CNTNAP5: variants seen among roughly 807,000 people sequenced by gnomAD.
CNTNAP5 encodes the protein contactin associated protein family member 5.
In CNTNAP5, 72 loss-of-function variants were observed where a neutral mutation model predicts 150.2. That is an observed-to-expected ratio of 0.48 (90% CI 0.40 to 0.58). The LOEUF (loss-of-function observed/expected upper bound fraction) is 0.58. Ranked by LOEUF, CNTNAP5 falls within the 20% of genes least tolerant of loss-of-function variation. The pLI, the probability that CNTNAP5 is intolerant of heterozygous loss-of-function variation, is 0.00. For missense variants in CNTNAP5, 1,636 were observed against 1,626.2 expected (o/e 1.01, Z -0.10); for synonymous variants, 672 against 619.8 (o/e 1.08, Z -1.25).
At chr2:124,598,701 A>T (rs1454271837) in intron 11 of CNTNAP5, among the ~76,000 whole-genome samples, 15 of 151,760 alleles carry the variant, frequency 9.9e-5, no homozygotes, top group Non-Finnish European at 1.8e-4. Flanking sequence ...TGCTTTGTTT[A>T]CCTAATCAAG....
intron 11 of CNTNAP5, among the ~76,000 whole-genome samples, chr2:124,592,839 G>A (rs1030974252): frequency 6.6e-6 from 1 of 151,798 alleles, no homozygotes; most frequent in Non-Finnish European, 1.5e-5. Context: ...ACTTGTAAAA[G>A]TATATTAGAA....
intron 5 of CNTNAP5, among the ~76,000 whole-genome samples, chr2:124,444,011 A>T (rs1692741390): frequency 6.6e-6 from 1 of 152,146 alleles, no homozygotes; most frequent in Non-Finnish European, 1.5e-5. Context: ...TACATCTAGA[A>T]ATGACAGTTT....
chr2:124,060,949 A>G (rs1681993964), intron 1 of CNTNAP5, among the ~76,000 whole-genome samples: 1 of 152,204 alleles, frequency 6.6e-6, no homozygotes, highest in African/African-American at 2.4e-5. Flanking sequence ...GGACTCAGCC[A>G]ATGTCATTTA....
At chr2:124,034,018 T>A (rs1242197999) in intron 1 of CNTNAP5, among the ~76,000 whole-genome samples, 1 of 152,200 alleles carries the variant, frequency 6.6e-6, no homozygotes, top group East Asian at 1.9e-4. Flanking sequence ...GTTCTAGGTG[T>A]GCAAAACAAG....
chr2:124,870,842 C>T (rs569216714), intron 21 of CNTNAP5, among the ~76,000 whole-genome samples: 24 of 152,100 alleles, frequency 1.6e-4, no homozygotes, highest in Middle Eastern at 3.4e-3. Flanking sequence ...AAAAGCATCA[C>T]GGGCCCCTGC....
At chr2:124,695,193 A>G (rs1679381098) in intron 13 of CNTNAP5, among the ~76,000 whole-genome samples, 1 of 152,192 alleles carries the variant, frequency 6.6e-6, no homozygotes, top group Admixed American at 6.6e-5. Context: ...ACCATGGCCA[A>G]TCTTACCGTA....
intron 3 of CNTNAP5, among the ~76,000 whole-genome samples, chr2:124,316,484 A>C (rs771857422): frequency 2.0e-5 from 3 of 152,150 alleles, no homozygotes; most frequent in Non-Finnish European, 4.4e-5. Context: ...AGGCTGTCTC[A>C]TATTTGTGAT....
rs920601772 is a variant in CNTNAP5, at chr2:124,202,581, A to G, written c.83-19124A>G. Among the ~76,000 whole-genome samples the G allele has an allele frequency of 1.3e-5, 2 of 152,294 alleles. 1 individual carries two copies. ...CGTTTTTATACTGCTATGAAGAAATACCTGCGACTGCATAATTTATAAAGA... is the reference window on the plus strand; with the variant it reads ...CGTTTTTATACTGCTATGAAGAAATGCCTGCGACTGCATAATTTATAAAGA... On this transcript the variant is annotated intron_variant, in intron 1 of 23. Transcript: ENST00000682447.
intron 11 of CNTNAP5, among the ~76,000 whole-genome samples, chr2:124,601,178 G>C (rs1278415894): frequency 6.6e-6 from 1 of 152,098 alleles, no homozygotes; most frequent in Non-Finnish European, 1.5e-5. Context: ...GTTGAAGAAG[G>C]TTGTACCATA....
At chr2:124,451,047 A>G (rs1370911719) in intron 6 of CNTNAP5, among the ~76,000 whole-genome samples, 1 of 73,602 alleles carries the variant, frequency 1.4e-5, no homozygotes, top group Admixed American at 1.7e-4. Context: ...AAAAAAAAAA[A>G]AAAAATATAT....
intron 21 of CNTNAP5, among the ~76,000 whole-genome samples, chr2:124,889,635 G>T (rs1678153520): frequency 6.6e-6 from 1 of 152,038 alleles, no homozygotes; most frequent in Admixed American, 6.6e-5. Context: ...ATTCACTCAA[G>T]TGCTCCTTTA....
At position 124,647,933 on chromosome 2, in the gene CNTNAP5, G is replaced by A. The variant is rs1433524926; in HGVS notation, c.2052G>A (p.Arg684=). The change falls in exon 13 of 24, where the codon AGG becomes AGA. Residue 684 remains arginine (R), a synonymous_variant. Transcript: ENST00000682447. ...HCEQEVAYHC[R]RSRLLNTPDG... The stretch of plus-strand genomic sequence containing the variant: ...AGCAGGAGGTGGCCTACCACTGCAG[G>A]AGGTCCCGCCTGCTCAACACGCCGG... 3.1e-6 allele frequency: 5 copies of A among 1,604,872 alleles called. No individual in the cohort carries two copies. The highest frequency in any genetic ancestry group is 1.3e-5 in the African/African-American group (1 of 74,750).
chr2:124,602,177 A>T (rs1697000684), intron 11 of CNTNAP5, among the ~76,000 whole-genome samples: 1 of 151,966 alleles, frequency 6.6e-6, no homozygotes, highest in African/African-American at 2.4e-5. Context: ...CCTCATCTCT[A>T]TGAAAAATAC....
At chr2:124,031,817 G>A (rs1681060023) in intron 1 of CNTNAP5, among the ~76,000 whole-genome samples, 1 of 152,082 alleles carries the variant, frequency 6.6e-6, no homozygotes, top group African/African-American at 2.4e-5. Flanking sequence ...TATACTCAAT[G>A]GGGCTTTATT....
At chr2:124,381,950 C>T (rs546417805) in intron 3 of CNTNAP5, among the ~76,000 whole-genome samples, 12 of 152,146 alleles carry the variant, frequency 7.9e-5, no homozygotes, top group East Asian at 7.7e-4. Context: ...ATGACAAAAG[C>T]GTGGTGTCAG....
chr2:124,670,252 T>A (rs1215441780), intron 13 of CNTNAP5, among the ~76,000 whole-genome samples: 3 of 151,218 alleles, frequency 2.0e-5, no homozygotes, highest in African/African-American at 7.3e-5. Context: ...CTTTCTTTCT[T>A]TCTTAAGAGT....
At chr2:124,522,513 G>A (rs1371760969) in intron 8 of CNTNAP5, among the ~76,000 whole-genome samples, 1 of 152,108 alleles carries the variant, frequency 6.6e-6, no homozygotes, top group Non-Finnish European at 1.5e-5. Context: ...ATCCTAGAGA[G>A]CCCTCATGGA....
intron 16 of CNTNAP5, among the ~76,000 whole-genome samples, chr2:124,767,382 C>G (rs1681090257): frequency 6.6e-6 from 1 of 152,168 alleles, no homozygotes; most frequent in Non-Finnish European, 1.5e-5. Context: ...GTTCACAAGT[C>G]TTAGTGAATG....
chr2:124,709,107 A>G (rs1679753347), intron 13 of CNTNAP5, among the ~76,000 whole-genome samples: 1 of 152,058 alleles, frequency 6.6e-6, no homozygotes, highest in Non-Finnish European at 1.5e-5. Flanking sequence ...TCGGGCCCAT[A>G]AAAGTAGCAA....
Sources: allele counts gnomAD v4.1 joint callset (sites outside exome capture counted in the v4.1 genomes callset), GRCh38; gene constraint gnomAD v4.1.1; transcripts MANE v1.5; gene names NCBI Gene and HGNC (gene_info 2026-07-23, HGNC 2026-07-21).